The following ERI3 variants were observed in gnomAD, a reference collection of about 807,000 sequenced individuals.
ERI3 encodes the protein ERI1 exoribonuclease 3.
Under a neutral mutation model 44.4 loss-of-function variants are expected in ERI3, and 18 were observed. That is an observed-to-expected ratio of 0.41 (90% CI 0.28 to 0.60). ERI3 has a LOEUF of 0.60. Ranked by LOEUF, ERI3 falls within the 20% of genes least tolerant of loss-of-function variation. ERI3 has a pLI of 0.36. For missense variants in ERI3, 294 were observed against 435.5 expected (o/e 0.68, Z 2.89); for synonymous variants, 183 against 164.8 (o/e 1.11, Z -0.84).
intron 7 of ERI3, among the ~76,000 whole-genome samples, chr1:44,269,762 T>C (rs1572156012): frequency 6.6e-6 from 1 of 152,142 alleles, no homozygotes; most frequent in Non-Finnish European, 1.5e-5. Context: ...ATGGGCCAAG[T>C]GACAAGAGGG....
At chr1:44,293,960 T>A (rs1645560207) in intron 6 of ERI3, among the ~76,000 whole-genome samples, 1 of 152,192 alleles carries the variant, frequency 6.6e-6, no homozygotes, top group Non-Finnish European at 1.5e-5. Context: ...GCCCTGGGAA[T>A]GAGCCAGGCC....
chr1:44,300,320 C>T (rs1170780014), intron 6 of ERI3, among the ~76,000 whole-genome samples: 2 of 152,210 alleles, frequency 1.3e-5, no homozygotes, highest in Non-Finnish European at 2.9e-5. Flanking sequence ...GACCCTCTGA[C>T]ACCTTCCTAG....
intron 3 of ERI3, chr1:44,322,687 A>T: frequency 6.6e-7 from 1 of 1,516,150 alleles, no homozygotes; most frequent in Non-Finnish European, 8.9e-7. Flanking sequence ...CTCTCTGAGA[A>T]ATTAGAGCAG....
chr1:44,276,042 G>A (rs980314093), intron 7 of ERI3, among the ~76,000 whole-genome samples: 2 of 152,190 alleles, frequency 1.3e-5, no homozygotes, highest in Non-Finnish European at 2.9e-5. Flanking sequence ...GAGATCACAC[G>A]GCAAGAGGAA....
chr1:44,350,027 A>C (rs1646858198), intron 2 of ERI3, among the ~76,000 whole-genome samples: 1 of 152,210 alleles, frequency 6.6e-6, no homozygotes, highest in South Asian at 2.1e-4. Context: ...AGACATCTCC[A>C]AAATGTCTGG....
intron 6 of ERI3, among the ~76,000 whole-genome samples, chr1:44,289,027 C>T (rs968779967): frequency 2.0e-5 from 3 of 152,160 alleles, no homozygotes; most frequent in Non-Finnish European, 4.4e-5. Flanking sequence ...ACAAAGCTCC[C>T]CAACTGCCCA....
intron 7 of ERI3, among the ~76,000 whole-genome samples, chr1:44,259,875 C>CTAGATAGA (rs71036672): frequency 0.064 from 8,703 of 135,800 alleles, 402 homozygotes; most frequent in East Asian, 0.12. Flanking sequence ...GGAAAACCCT[C>CTAGATAGA]TAGATAGATA....
chr1:44,347,536 ATTATG>A (rs1319638374), intron 2 of ERI3, among the ~76,000 whole-genome samples: 1 of 152,154 alleles, frequency 6.6e-6, no homozygotes, highest in Non-Finnish European at 1.5e-5. Flanking sequence ...TGCCAGACAA[ATTATG>A]ACTCCTTCCT....
chr1:44,247,414 C>T (rs766704973), intron 8 of ERI3, among the ~76,000 whole-genome samples: 2 of 152,188 alleles, frequency 1.3e-5, no homozygotes, highest in African/African-American at 2.4e-5. Context: ...ACCCAGGCAC[C>T]GCTCAATGGA....
intron 7 of ERI3, among the ~76,000 whole-genome samples, chr1:44,262,971 G>GT (rs555641951): frequency 1.2e-3 from 179 of 152,230 alleles, no homozygotes; most frequent in Non-Finnish European, 2.1e-4. Flanking sequence ...CAGCTCTCAA[G>GT]TTTGCCCAGT....
chr1:44,324,248 C>T lies in ERI3; in HGVS notation c.490-4504G>A, dbSNP rs760071858. On this transcript the variant is annotated intron_variant, in intron 3 of 8. Transcript: ENST00000372257. Reference sequence around the variant, plus strand: ...CTGTACCAGAAGACACAAAACTCTCCGCAGAATCAGAGAGGGGAAATGATC... The same window carrying T: ...CTGTACCAGAAGACACAAAACTCTCTGCAGAATCAGAGAGGGGAAATGATC... Among the ~76,000 whole-genome samples the T allele has an allele frequency of 5.3e-4, 81 of 152,136 alleles. 1 individual carries two copies. Among genetic ancestry groups the T allele is most frequent in the Non-Finnish European group, 1.0e-3 (68 of 68,030 alleles).
At chr1:44,290,707 GGA>G (rs1222762810) in intron 6 of ERI3, among the ~76,000 whole-genome samples, 1 of 152,154 alleles carries the variant, frequency 6.6e-6, no homozygotes, top group Non-Finnish European at 1.5e-5. Flanking sequence ...CCCACCCAGA[GGA>G]GATAAACAGA....
intron 7 of ERI3, among the ~76,000 whole-genome samples, chr1:44,250,681 G>A (rs891378275): frequency 1.3e-5 from 2 of 152,066 alleles, no homozygotes; most frequent in Non-Finnish European, 2.9e-5. Flanking sequence ...CAGATAAGGC[G>A]TGATAACCAA....
intron 8 of ERI3, among the ~76,000 whole-genome samples, chr1:44,244,603 G>T (rs776245339): frequency 5.3e-5 from 8 of 152,088 alleles, no homozygotes; most frequent in Middle Eastern, 3.2e-3. Context: ...TATTTCCAGG[G>T]CCGATGCACT....
intron 7 of ERI3, among the ~76,000 whole-genome samples, chr1:44,264,310 G>A (rs1644948219): frequency 6.6e-6 from 1 of 152,156 alleles, no homozygotes; most frequent in African/African-American, 2.4e-5. Context: ...CCTGAGAGAA[G>A]GATGGCAGCA....
intron 2 of ERI3, among the ~76,000 whole-genome samples, chr1:44,343,207 T>C (rs1228382254): frequency 6.6e-6 from 1 of 151,990 alleles, no homozygotes; most frequent in Non-Finnish European, 1.5e-5. Flanking sequence ...ACAATGATAG[T>C]AATGGATTAT....
chr1:44,330,796 T>C (rs1038687732), intron 3 of ERI3, among the ~76,000 whole-genome samples: 4 of 152,114 alleles, frequency 2.6e-5, no homozygotes, highest in African/African-American at 7.2e-5. Flanking sequence ...GATAAGAGGA[T>C]AAAAAATAAT....
intron 2 of ERI3, among the ~76,000 whole-genome samples, chr1:44,339,885 G>A (rs191436792): frequency 6.6e-6 from 1 of 152,240 alleles, no homozygotes; most frequent in Non-Finnish European, 1.5e-5. Context: ...GGCAAACAAA[G>A]CGAATCACAG....
At chr1:44,243,491 C>T (rs921229000) in intron 8 of ERI3, 1 of 152,216 alleles carries the variant, frequency 6.6e-6, no homozygotes, top group African/African-American at 2.4e-5. Flanking sequence ...AGATCATTAC[C>T]TCTGACAAAT....
Sources: allele counts gnomAD v4.1 joint callset (sites outside exome capture counted in the v4.1 genomes callset), GRCh38; gene constraint gnomAD v4.1.1; transcripts MANE v1.5; gene names NCBI Gene and HGNC (gene_info 2026-07-23, HGNC 2026-07-21).